The following PTHLH variants were observed in gnomAD, a reference collection of about 807,000 sequenced individuals.
PTHLH encodes parathyroid hormone-related protein.
In PTHLH, 5 loss-of-function variants were observed where a neutral mutation model predicts 18.6. The ratio of observed to expected loss-of-function variants is 0.27; its 90% confidence interval spans 0.14 to 0.56. The LOEUF is 0.56. PTHLH is among the 20% of genes least tolerant of loss of function. The pLI is 0.92. For missense variants in PTHLH, 207 were observed against 223.9 expected, an observed-to-expected ratio of 0.92 and a Z score of 0.48; for synonymous variants, 90 against 94.0, an observed-to-expected ratio of 0.96 and a Z score of 0.25.
At chr12:27,969,197 C>G (rs926359188) in intron 4 of PTHLH, 197 bp downstream of exon 4, 1 of 597,928 alleles carries the variant, frequency 1.7e-6, no homozygotes, top group South Asian at 2.0e-5. Flanking sequence ...TGCCTGTCTC[C>G]CGTTGAAGAT....
At chr12:27,962,696 TTA>T in intron 5 of PTHLH, 1 of 984,198 alleles carries the variant, frequency 1.0e-6, no homozygotes, top group Non-Finnish European at 1.2e-6. Context: ...AAGTTAATAC[TTA>T]AACATTTTCA....
chr12:27,964,194 C>T (rs40411), intron 4 of PTHLH, among the ~76,000 whole-genome samples: 7 of 151,296 alleles, frequency 4.6e-5, no homozygotes, highest in African/African-American at 1.7e-4. Flanking sequence ...TCTAGAAGTC[C>T]CAGCCTGGGA....
intron 4 of PTHLH, chr12:27,969,148 AC>A (rs2062843575): frequency 1.9e-6 from 1 of 538,576 alleles, no homozygotes; most frequent in Admixed American, 3.1e-5. Flanking sequence ...ATTCTGTGAA[AC>A]GCTCCCTCTT....
chr12:27,969,252 G>A, intron 4 of PTHLH, 142 bp downstream of exon 4: 2 of 777,864 alleles, frequency 2.6e-6, no homozygotes, highest in South Asian at 1.7e-5. Flanking sequence ...CTCAGGCCCC[G>A]GCAGGTATCC....
rs1262380417 is a variant in PTHLH at position 27,963,373 on chromosome 12, T to C, written c.499A>G (p.Thr167Ala). ...CGTGAATCGAGCTCCAGCGACGTTG[T>C]GGAGGTGTCAGACAGGTGGTCCCCT... ...LEGDHLSDTS[T>A]TSLELDSRRH Residue 167 changes from threonine (T) to alanine (A), a missense_variant, in exon 5 of 6, where the codon ACA (threonine) becomes GCA (alanine). By Grantham distance (58) the Thr-to-Ala change is moderately conservative. Transcript: ENST00000545234. 3 of 1,614,242 alleles carry C rather than the reference T, an allele frequency of 1.9e-6. No homozygotes were observed. In the East Asian group the frequency reaches 6.7e-5, roughly 36 times the overall value.
chr12:27,970,517 C>CGGA (rs1401687661), intron 2 of PTHLH, among the ~76,000 whole-genome samples: 1 of 151,730 alleles, frequency 6.6e-6, no homozygotes, highest in Non-Finnish European at 1.5e-5. Context: ...AGCCCCACCC[C>CGGA]GGAGCCCGGG....
chr12:27,970,092 G>T lies in PTHLH; in HGVS notation c.-90C>A. Reference sequence around the variant, plus strand: ...CACCCTGAGAACAAGTTTCAAGTGCGTGTGTCGTCGATCAGGAGGGCCAGG... The same window carrying T: ...CACCCTGAGAACAAGTTTCAAGTGCTTGTGTCGTCGATCAGGAGGGCCAGG... On this transcript the variant is annotated 5_prime_UTR_variant, in exon 3 of 6. Coordinates refer to ENST00000545234, the MANE Select transcript of PTHLH (RefSeq NM_198965.2). 1 of 519,058 alleles carries T rather than the reference G, an allele frequency of 1.9e-6. No homozygotes were observed. The highest frequency in any genetic ancestry group is 1.4e-5 in the South Asian group (1 of 71,596). 32.2% of individuals were successfully genotyped at this position (519,058 alleles called of 1,614,324 possible). A position where few individuals can be genotyped will look rare whatever the true frequency, so the allele number is the denominator to read the frequency against.
intron 5 of PTHLH, among the ~76,000 whole-genome samples, chr12:27,960,361 T>C (rs1201951979): frequency 6.6e-6 from 1 of 152,188 alleles, no homozygotes; most frequent in Non-Finnish European, 1.5e-5. Flanking sequence ...TTTAAAGCTA[T>C]ATATTTTTCA....
Position 27,963,172 on chromosome 12 carries a change from G to C in PTHLH, c.524+176C>G. The C allele has an allele frequency of 2.7e-6, 4 of 1,494,802 alleles. No individual in the cohort carries two copies. The South Asian group carries it at 4.0e-5, about 15-fold the overall frequency. 92.6% of individuals were successfully genotyped at this position (1,494,802 alleles called of 1,614,324 possible). A position where few individuals can be genotyped will look rare whatever the true frequency, so the allele number is the denominator to read the frequency against. On this transcript the variant is annotated intron_variant, in intron 5 of 5. Transcript: ENST00000545234. Reference sequence around the variant, plus strand: ...GGAGGACAGGGGTGTGTGTGGTAGGGGGGTACTGCTTTAAGGCAGACAATA... The same window carrying C: ...GGAGGACAGGGGTGTGTGTGGTAGGCGGGTACTGCTTTAAGGCAGACAATA...
chr12:27,968,438 G>A (rs1378088419), intron 4 of PTHLH, among the ~76,000 whole-genome samples: 1 of 152,112 alleles, frequency 6.6e-6, no homozygotes. Flanking sequence ...AGAGTCAAAC[G>A]CATCTCAGTT....
intron 4 of PTHLH, among the ~76,000 whole-genome samples, chr12:27,967,374 T>C (rs1385086812): frequency 6.6e-6 from 1 of 152,212 alleles, no homozygotes; most frequent in Non-Finnish European, 1.5e-5. Context: ...CCTTAAAAGT[T>C]AGCATCTAGT....
intron 4 of PTHLH, chr12:27,969,077 A>C: frequency 2.8e-6 from 1 of 361,330 alleles, no homozygotes; most frequent in Non-Finnish European, 5.2e-6. Flanking sequence ...CCTGACAGTA[A>C]CCACCACCCC....
intron 3 of PTHLH, chr12:27,969,769 C>G: frequency 1.5e-6 from 1 of 681,924 alleles, no homozygotes; most frequent in Non-Finnish European, 2.7e-6. Context: ...AAATCAGAGG[C>G]GCTTCCTCTG....
At chr12:27,961,610 C>T (rs1305282733) in intron 5 of PTHLH, 3 of 234,452 alleles carry the variant, frequency 1.3e-5, no homozygotes, top group Non-Finnish European at 2.5e-5. Context: ...TATCTTAAAA[C>T]ACACTAAATA....
chr12:27,963,359 C>G lies in PTHLH; in HGVS notation c.513G>C (p.Glu171Asp), dbSNP rs754612994. The change falls in exon 5 of 6, where the codon GAG (glutamate) becomes GAC (aspartate). Residue 171 changes from glutamate to aspartate, a missense_variant. Coordinates refer to ENST00000545234, the MANE Select transcript of PTHLH (RefSeq NM_198965.2). Reference protein sequence around the residue: ...HLSDTSTTSLELDSRRH With the variant: ...HLSDTSTTSLDLDSRRH ...GAGAAGCCTGTTACCGTGAATCGAG[C>G]TCCAGCGACGTTGTGGAGGTGTCAG... The G allele has an allele frequency of 1.9e-6, 3 of 1,614,094 alleles. No homozygotes were observed. The African/African-American group carries it at 4.0e-5, about 22-fold the overall frequency.
chr12:27,968,140 T>C (rs886324915), intron 4 of PTHLH, among the ~76,000 whole-genome samples: 1 of 152,256 alleles, frequency 6.6e-6, no homozygotes, highest in Non-Finnish European at 1.5e-5. Context: ...CGGTAAAATG[T>C]TGATCTGAAG....
intron 4 of PTHLH, among the ~76,000 whole-genome samples, chr12:27,964,812 T>G (rs2120642483): frequency 6.6e-6 from 1 of 152,366 alleles, no homozygotes. Flanking sequence ...AAACTCTTGC[T>G]TAAATGTCCA....
chr12:27,972,429 C>T (rs184812375), intron 1 of PTHLH, 94 bp downstream of exon 1: 1 of 152,282 alleles, frequency 6.6e-6, no homozygotes, highest in Non-Finnish European at 1.5e-5. Flanking sequence ...AGAATTTCCT[C>T]TCCTCCACAA....
At chr12:27,969,926 GT>G (rs1369179618) in intron 3 of PTHLH, 98 bp downstream of exon 3, 2 of 519,748 alleles carry the variant, frequency 3.8e-6, no homozygotes, top group African/African-American at 1.9e-5. Context: ...AAAGAAGAAA[GT>G]TTCCCCCTCT....
Sources: allele counts gnomAD v4.1 joint callset (sites outside exome capture counted in the v4.1 genomes callset), GRCh38; gene constraint gnomAD v4.1.1; transcripts MANE v1.5; gene names NCBI Gene and HGNC (gene_info 2026-07-23, HGNC 2026-07-21).